Variants in IQSEC3 observed in about 807,000 individuals in gnomAD.
IQSEC3 encodes IQ motif and SEC7 domain-containing protein 3.
In IQSEC3, 50 loss-of-function variants were observed where a neutral mutation model predicts 105.4. That is an observed-to-expected ratio of 0.47 (90% CI 0.38 to 0.60). The LOEUF is 0.60. Among genes scored for constraint, IQSEC3 ranks in the 20% least tolerant of loss-of-function variants. IQSEC3 has a pLI of 0.00. For missense variants in IQSEC3, 1,415 were observed against 1,630.0 expected, an observed-to-expected ratio of 0.87 and a Z score of 2.27; for synonymous variants, 708 against 746.0, an observed-to-expected ratio of 0.95 and a Z score of 0.83.
chr12:99,044 G>T (rs886210796), intron 1 of IQSEC3, 102 bp from the exon 2 acceptor site: 9 of 1,042,426 alleles, frequency 8.6e-6, no homozygotes, highest in Non-Finnish European at 1.2e-5. Flanking sequence ...AAAGGGCGGG[G>T]GTAGGAGCAG....
At chr12:119,554 G>A (rs1213071383) in intron 2 of IQSEC3, among the ~76,000 whole-genome samples, 1 of 152,152 alleles carries the variant, frequency 6.6e-6, no homozygotes, top group Non-Finnish European at 1.5e-5. Context: ...AGGCTCCCAG[G>A]GGGATTCAGT....
intron 1 of IQSEC3, among the ~76,000 whole-genome samples, chr12:89,101 G>C (rs1429804573): frequency 3.3e-5 from 5 of 152,132 alleles, no homozygotes. Flanking sequence ...CTCCAGCCCA[G>C]AGCTGTTTCT....
intron 1 of IQSEC3, among the ~76,000 whole-genome samples, chr12:89,318 G>C (rs1287079946): frequency 9.2e-5 from 14 of 152,108 alleles, no homozygotes; most frequent in African/African-American, 2.9e-4. Context: ...GCTTGGAAGG[G>C]GGTTAATCAT....
At chr12:98,277 A>T (rs1555075188) in intron 1 of IQSEC3, among the ~76,000 whole-genome samples, 1 of 152,204 alleles carries the variant, frequency 6.6e-6, no homozygotes, top group Admixed American at 6.5e-5. Context: ...GGACCTAGGA[A>T]ATCCTCTAGT....
At chr12:151,815 A>G (rs1174408799) in intron 5 of IQSEC3, among the ~76,000 whole-genome samples, 1 of 151,826 alleles carries the variant, frequency 6.6e-6, no homozygotes, top group African/African-American at 2.4e-5. Flanking sequence ...GCCTTTGCAT[A>G]TGCTTCCTCC....
At chr12:165,681 GGCT>G in intron 10 of IQSEC3, 45 bp from the exon 11 acceptor site, 1 of 1,604,792 alleles carries the variant, frequency 6.2e-7, no homozygotes, top group Non-Finnish European at 8.5e-7. Context: ...TCTGGCCCTC[GGCT>G]GCTGCTGCTC....
At chr12:148,417 A>T (rs898479203) in intron 5 of IQSEC3, 1 of 152,144 alleles carries the variant, frequency 6.6e-6, no homozygotes, top group Admixed American at 6.6e-5. Context: ...GCAAAAGAAA[A>T]ATCAGCTCAG....
intron 5 of IQSEC3, among the ~76,000 whole-genome samples, chr12:156,769 T>TC (rs1866700738): frequency 6.6e-6 from 1 of 152,186 alleles, no homozygotes; most frequent in South Asian, 2.1e-4. Context: ...AGTTGGAAGA[T>TC]CCGAGTTCAG....
chr12:71,908 G>A (rs552694625), intron 1 of IQSEC3, among the ~76,000 whole-genome samples: 379 of 152,382 alleles, frequency 2.5e-3, no homozygotes, highest in African/African-American at 8.6e-3. Context: ...GGGAGTGTGC[G>A]TCTTTTTATT....
chr12:88,219 G>C (rs1420629800), intron 1 of IQSEC3, among the ~76,000 whole-genome samples: 2 of 152,236 alleles, frequency 1.3e-5, no homozygotes, highest in Admixed American at 6.5e-5. Context: ...GGAAGGTTCT[G>C]TGCTCTGCCT....
At chr12:157,797 C>CCTG in intron 7 of IQSEC3, 103 bp downstream of exon 7, 11 of 1,317,454 alleles carry the variant, frequency 8.3e-6, no homozygotes, top group Non-Finnish European at 1.1e-5. Context: ...CAGATGGTCA[C>CCTG]CTGCTGTCTG....
chr12:141,653 GC>G (rs1466002359), intron 5 of IQSEC3: 8 of 230,434 alleles, frequency 3.5e-5, no homozygotes, highest in Non-Finnish European at 5.9e-5. Context: ...GAGCCCCTCA[GC>G]CCCCCTCCCC....
intron 2 of IQSEC3, among the ~76,000 whole-genome samples, chr12:115,622 C>T (rs1191464680): frequency 3.3e-5 from 5 of 152,132 alleles, no homozygotes; most frequent in South Asian, 4.1e-4. Context: ...CCATAGGCTT[C>T]GTGTAGATTA....
intron 1 of IQSEC3, among the ~76,000 whole-genome samples, chr12:80,716 T>C (rs557991243): frequency 6.6e-6 from 1 of 152,314 alleles, no homozygotes; most frequent in African/African-American, 2.4e-5. Context: ...TGAAAACTTA[T>C]AGTGCATCTG....
chr12:124,924 G>A (rs1865335350), intron 2 of IQSEC3, among the ~76,000 whole-genome samples: 1 of 152,174 alleles, frequency 6.6e-6, no homozygotes, highest in African/African-American at 2.4e-5. Context: ...ACAGAGGATG[G>A]GTCAGGGAGG....
intron 9 of IQSEC3, among the ~76,000 whole-genome samples, chr12:164,443 T>C (rs1308330466): frequency 1.3e-5 from 2 of 152,026 alleles, no homozygotes; most frequent in Non-Finnish European, 2.9e-5. Flanking sequence ...TCCTCAGCCC[T>C]GGGAGGCGCC....
chr12:113,006 G>C lies in IQSEC3; in HGVS notation c.624-12627G>C, dbSNP rs569922142. On this transcript the variant is annotated intron_variant, in intron 2 of 13. Coordinates refer to ENST00000538872, the MANE Select transcript of IQSEC3 (RefSeq NM_001170738.2). Reference sequence around the variant, plus strand: ...CCCACTCATAGTCCTGCAGAGGATCGCCTCTCATTGTCCCTCTTCTCCATT... The same window carrying C: ...CCCACTCATAGTCCTGCAGAGGATCCCCTCTCATTGTCCCTCTTCTCCATT... 3.9e-4 allele frequency among the ~76,000 whole-genome samples: 60 copies of C among 152,162 alleles called. 2 individuals are homozygous for C. Among genetic ancestry groups the C allele is most frequent in the Admixed American group, 2.9e-3 (44 of 15,290 alleles).
chr12:79,016 C>T (rs1555070093), intron 1 of IQSEC3, among the ~76,000 whole-genome samples: 1 of 152,230 alleles, frequency 6.6e-6, no homozygotes, highest in Admixed American at 6.5e-5. Flanking sequence ...AGCCATCCTT[C>T]CCTTCCCTTG....
intron 1 of IQSEC3, among the ~76,000 whole-genome samples, chr12:94,108 T>G (rs1334641204): frequency 6.6e-6 from 1 of 152,212 alleles, no homozygotes; most frequent in South Asian, 2.1e-4. Flanking sequence ...GCTGGTGGAC[T>G]CCCTGAGGCA....
Sources: allele counts gnomAD v4.1 joint callset (sites outside exome capture counted in the v4.1 genomes callset), GRCh38; gene constraint gnomAD v4.1.1; transcripts MANE v1.5; gene names NCBI Gene and HGNC (gene_info 2026-07-23, HGNC 2026-07-21).